KLHDC8A: variants seen among roughly 807,000 people sequenced by gnomAD.
KLHDC8A encodes kelch domain-containing protein 8A.
Under a neutral mutation model 33.1 loss-of-function variants are expected in KLHDC8A, and 21 were observed. The observed-to-expected ratio is 0.64, with a 90% CI of 0.45 to 0.91. KLHDC8A has a LOEUF of 0.91. Ranked by LOEUF, KLHDC8A falls within the 40% of genes least tolerant of loss-of-function variation. KLHDC8A has a pLI of 0.00. For missense variants in KLHDC8A, 435 were observed against 483.3 expected (o/e 0.90, Z 0.94); for synonymous variants, 173 against 193.5 (o/e 0.89, Z 0.88).
intron 1 of KLHDC8A, chr1:205,348,409 G>A (rs1663005362): frequency 6.6e-6 from 1 of 152,188 alleles, no homozygotes; most frequent in Non-Finnish European, 1.5e-5. Flanking sequence ...ACGCTGGCTG[G>A]AGGCACACAC....
Position 205,356,655 on chromosome 1 carries a change from A to G in KLHDC8A, c.-312T>C, listed in dbSNP as rs1278544351. On this transcript the variant is annotated 5_prime_UTR_variant, in exon 1 of 6. Coordinates refer to ENST00000367155, the MANE Select transcript of KLHDC8A (RefSeq NM_018203.3). ...CTTGTCCTAGGAGCTGGCTGGGAAT[A>G]GAGTCGGCAAGGTCCCCAGGGTCCC... 8.8e-6 allele frequency: 4 copies of G among 452,232 alleles called. No individual in the cohort carries two copies. Among genetic ancestry groups the G allele is most frequent in the South Asian group, 4.7e-5 (3 of 64,058 alleles). The allele number at this position is 452,232 out of a possible 1,614,324, so 28.0% of individuals were successfully genotyped here.
Position 205,339,720 on chromosome 1 carries a change from C to A in KLHDC8A, c.465G>T (p.Trp155Cys), listed in dbSNP as rs1321313360. ...LQHYDMLKDM[W>C]VSLAPMPTPR... ...GGGTGGGCATGGGTGCTAGGGACAC[C>A]CACATGTCCTTCAGCATGTCATAGT... The change falls in exon 3 of 6, where the codon TGG (tryptophan) becomes TGT (cysteine). Residue 155 changes from tryptophan to cysteine, a missense_variant. Physicochemically the swap from Trp to Cys is radical, Grantham distance 215. Coordinates refer to ENST00000367155, the MANE Select transcript of KLHDC8A (RefSeq NM_018203.3). This position sits in a 1 kb window ranked among gnomAD's most constrained non-coding sequence, Gnocchi z 5.1. 4 of 1,614,098 alleles carry A rather than the reference C, an allele frequency of 2.5e-6. No individual in the cohort carries two copies. The highest frequency in any genetic ancestry group is 2.5e-6 in the Non-Finnish European group (3 of 1,179,980).
chr1:205,347,737 T>C (rs918832160), intron 1 of KLHDC8A, among the ~76,000 whole-genome samples: 2 of 152,116 alleles, frequency 1.3e-5, no homozygotes, highest in African/African-American at 4.8e-5. Context: ...GTGTTTCATT[T>C]TTCCCCTTCA....
At chr1:205,338,320 C>G (rs1305836644) in intron 5 of KLHDC8A, among the ~76,000 whole-genome samples, 175 bp downstream of exon 5, 3 of 152,210 alleles carry the variant, frequency 2.0e-5, no homozygotes, top group African/African-American at 7.2e-5. Flanking sequence ...CTGGGGCCCA[C>G]AGTGGATAGG....
At chr1:205,347,669 C>T (rs1366669600) in intron 1 of KLHDC8A, among the ~76,000 whole-genome samples, 2 of 152,038 alleles carry the variant, frequency 1.3e-5, no homozygotes, top group Non-Finnish European at 2.9e-5. Flanking sequence ...GAAACAAGAT[C>T]GTGCCACTGC....
chr1:205,343,773 C>A lies in KLHDC8A; in HGVS notation c.-169G>T. On this transcript the variant is annotated 5_prime_UTR_variant, in exon 2 of 6. The change creates a premature stop within an existing upstream ORF in the 5' untranslated region. Transcript: ENST00000367155. ...CACCGTGCCCCGAGTCTCAGCGGTC[C>A]GGCGGCGTCCACGCCTGGCCCTGCG... 1 of 738,848 alleles carries A rather than the reference C, an allele frequency of 1.4e-6. No individual in the cohort carries two copies. The highest frequency in any genetic ancestry group is 2.1e-6 in the Non-Finnish European group (1 of 480,776). The allele number at this position is 738,848 out of a possible 1,614,324, so 45.8% of individuals were successfully genotyped here. A position where few individuals can be genotyped will look rare whatever the true frequency, so the allele number is the denominator to read the frequency against.
chr1:205,343,426 G>A lies in KLHDC8A; in HGVS notation c.179C>T (p.Thr60Ile). Residue 60 changes from threonine (T) to isoleucine (I), a missense_variant, in exon 2 of 6, where the codon ACC becomes ATC. By Grantham distance (89) the Thr-to-Ile change is moderately conservative. Transcript: ENST00000367155. ...EVYSPEADQWTALPRLPTARA... is the reference protein window; with the variant it reads ...EVYSPEADQWIALPRLPTARA... ...GGCTGTGGGCAGCCGGGGCAAGGCGGTCCACTGGTCGGCCTCCGGGGAGTA... is the reference window on the plus strand; with the variant it reads ...GGCTGTGGGCAGCCGGGGCAAGGCGATCCACTGGTCGGCCTCCGGGGAGTA... 2 of 1,613,412 alleles carry A rather than the reference G, an allele frequency of 1.2e-6. No homozygotes were observed. The highest frequency in any genetic ancestry group is 1.7e-6 in the Non-Finnish European group (2 of 1,179,832).
chr1:205,337,762 G>C (rs1662675418), intron 5 of KLHDC8A, among the ~76,000 whole-genome samples, 170 bp from the exon 6 acceptor site: 1 of 152,096 alleles, frequency 6.6e-6, no homozygotes, highest in African/African-American at 2.4e-5. Context: ...TTGTCAAGCA[G>C]CCACTTTGTC....
rs1197181065 is a variant in KLHDC8A at position 205,356,915 on chromosome 1, C to G, written c.-572G>C. The G allele has an allele frequency of 5.1e-6, 1 of 197,154 alleles. No homozygotes were observed. Among genetic ancestry groups the G allele is most frequent in the South Asian group, 8.0e-5 (1 of 12,468 alleles). 12.2% of individuals were successfully genotyped at this position (197,154 alleles called of 1,614,324 possible). ...CCACCCAGTCTCAGCTGCAAAGGCC[C>G]GCTCTGCGAGGAGAGCGGGTGAGGG... On this transcript the variant is annotated 5_prime_UTR_variant, in exon 1 of 6. Coordinates refer to ENST00000367155, the MANE Select transcript of KLHDC8A (RefSeq NM_018203.3).
chr1:205,348,204 C>T (rs1460671986), intron 1 of KLHDC8A, among the ~76,000 whole-genome samples: 2 of 152,112 alleles, frequency 1.3e-5, no homozygotes, highest in African/African-American at 4.8e-5. Flanking sequence ...CAGTTTCTTC[C>T]CAATAAACCA....
At chr1:205,347,176 C>T (rs923162658) in intron 1 of KLHDC8A, among the ~76,000 whole-genome samples, 1 of 152,192 alleles carries the variant, frequency 6.6e-6, no homozygotes, top group Non-Finnish European at 1.5e-5. Context: ...TGTAACCTAG[C>T]AACTGCCACT....
Position 205,339,588 on chromosome 1 carries a change from G to T in KLHDC8A, c.541+56C>A. On this transcript the variant is annotated intron_variant, in intron 3 of 5. Transcript: ENST00000367155. This position sits in a 1 kb window ranked among gnomAD's most constrained non-coding sequence, Gnocchi z 5.1. ...CAGCACACAGGCACTGCTTCCTATG[G>T]GAACTGAGCCAAGGGAAGGAAGGAG... The T allele has an allele frequency of 6.3e-7, 1 of 1,584,502 alleles. No individual in the cohort carries two copies. The highest frequency in any genetic ancestry group is 2.2e-5 in the East Asian group (1 of 44,576).
At chr1:205,353,791 G>A (rs1663189002) in intron 1 of KLHDC8A, among the ~76,000 whole-genome samples, 1 of 152,184 alleles carries the variant, frequency 6.6e-6, no homozygotes, top group South Asian at 2.1e-4. Context: ...CATTTTGAGG[G>A]CCCTTGTTGT....
At chr1:205,344,188 G>C (rs1662880916) in intron 1 of KLHDC8A, 1 of 152,310 alleles carries the variant, frequency 6.6e-6, no homozygotes, top group African/African-American at 2.4e-5. Flanking sequence ...TCACTGGGGA[G>C]CCCGGAGCCC....
rs923782242 is a variant in KLHDC8A at position 205,356,698 on chromosome 1, T to C, written c.-355A>G. 7.0e-6 allele frequency: 3 copies of C among 427,392 alleles called. No individual in the cohort carries two copies. Among genetic ancestry groups the C allele is most frequent in the African/African-American group, 6.1e-5 (3 of 49,540 alleles). The allele number at this position is 427,392 out of a possible 1,614,324, so 26.5% of individuals were successfully genotyped here. A position where few individuals can be genotyped will look rare whatever the true frequency, so the allele number is the denominator to read the frequency against. ...AGGGTCCCCAGGGCTTCCTCCACAA[T>C]TGATGAGTCCACTGCTGCTGCCTCT... On this transcript the variant is annotated 5_prime_UTR_variant, in exon 1 of 6. Transcript: ENST00000367155.
chr1:205,341,870 T>G (rs927167277), intron 2 of KLHDC8A, among the ~76,000 whole-genome samples: 1 of 152,124 alleles, frequency 6.6e-6, no homozygotes, highest in Non-Finnish European at 1.5e-5. Context: ...GGGATGGTCT[T>G]GATCTCCTGA....
chr1:205,341,928 C>T (rs922606556), intron 2 of KLHDC8A, among the ~76,000 whole-genome samples: 10 of 152,338 alleles, frequency 6.6e-5, no homozygotes, highest in Admixed American at 3.9e-4. Context: ...GGATTACAGG[C>T]GTGAGCCACC....
intron 2 of KLHDC8A, among the ~76,000 whole-genome samples, chr1:205,341,841 G>A (rs1035119030): frequency 1.3e-5 from 2 of 152,004 alleles, no homozygotes; most frequent in Admixed American, 6.6e-5. Flanking sequence ...TAGTAGAGAC[G>A]GGTTTCACCA....
Position 205,338,422 on chromosome 1 carries a change from C to CAGT in KLHDC8A, c.859+72_859+73insACT, listed in dbSNP as rs1426204408. 4.0e-5 allele frequency: 48 copies of CAGT among 1,195,460 alleles called. 1 individual carries two copies. Among genetic ancestry groups the CAGT allele is most frequent in the South Asian group, 1.9e-4 (15 of 81,020 alleles). 74.1% of individuals were successfully genotyped at this position (1,195,460 alleles called of 1,614,324 possible). Reference sequence around the variant, plus strand: ...TGCAGGGAGTCAGTACCCTTTCCTGCATATGCAAAGTGCCAAGGATCCACT... The same window carrying CAGT: ...TGCAGGGAGTCAGTACCCTTTCCTGCAGTATATGCAAAGTGCCAAGGATCCACT... On this transcript the variant is annotated intron_variant, in intron 5 of 5. Coordinates refer to ENST00000367155, the MANE Select transcript of KLHDC8A (RefSeq NM_018203.3).
Sources: gnomAD v4.1 joint callset for allele counts (sites outside exome capture counted in the v4.1 genomes callset) on GRCh38, gnomAD v4.1.1 for gene constraint, Gnocchi (gnomAD v3.1) non-coding constraint, MANE v1.5 for transcripts, NCBI Gene and HGNC (gene_info 2026-07-23, HGNC 2026-07-21) for gene names.